CEBPZ: variants seen among roughly 807,000 people sequenced by gnomAD.
CEBPZ encodes the protein CCAAT/enhancer-binding protein zeta.
In CEBPZ, 78 loss-of-function variants were observed where a neutral mutation model predicts 104.5. That is an observed-to-expected ratio of 0.75 (90% CI 0.62 to 0.90). CEBPZ has a LOEUF of 0.90. CEBPZ is among the 40% of genes least tolerant of loss of function. The pLI is 0.00. For synonymous variants in CEBPZ, 470 were observed against 427.0 expected (o/e 1.10, Z -1.24); for missense variants, 1,439 against 1,233.5 (o/e 1.17, Z -2.50).
intron 15 of CEBPZ, chr2:37,202,343 C>G (rs1677292870): frequency 6.3e-6 from 1 of 159,260 alleles, no homozygotes; most frequent in Admixed American, 6.4e-5. Flanking sequence ...ATGAAAAGGT[C>G]TTTCAAAAAT....
At chr2:37,223,075 G>T in intron 3 of CEBPZ, 95 bp downstream of exon 3, 1 of 983,702 alleles carries the variant, frequency 1.0e-6, no homozygotes, top group Non-Finnish European at 1.5e-6. Flanking sequence ...ATGCTCCAGA[G>T]AACTAGGTTA....
In CEBPZ at chr2:37,231,580, A is replaced by C; in HGVS notation, c.-13T>G. The C allele has an allele frequency of 1.2e-6, 2 of 1,614,222 alleles. No homozygotes were observed. The highest frequency in any genetic ancestry group is 1.7e-6 in the Non-Finnish European group (2 of 1,180,034). ...TGACTGCGGCCATGGCGGGCAAAGC[A>C]TACGCGCGTGAAACTCAGCCTATTT... is the stretch of plus-strand genomic sequence containing the variant. On this transcript the variant is annotated 5_prime_UTR_variant, in exon 1 of 16. An upstream start codon of the reference 5' UTR is lost. Coordinates refer to ENST00000234170, the MANE Select transcript of CEBPZ (RefSeq NM_005760.3).
chr2:37,223,131 C>G, intron 3 of CEBPZ, 39 bp downstream of exon 3: 1 of 1,505,442 alleles, frequency 6.6e-7, no homozygotes, highest in Admixed American at 1.8e-5. Context: ...CAATATATTT[C>G]AGCACCCACT....
At chr2:37,224,118 G>A (rs180677436) in intron 2 of CEBPZ, among the ~76,000 whole-genome samples, 3 of 152,264 alleles carry the variant, frequency 2.0e-5, no homozygotes, top group African/African-American at 7.2e-5. Context: ...GATTATGCCT[G>A]TTATTCACTG....
rs371060730 is a variant in CEBPZ, at chr2:37,206,235, A to G, written c.2885-3227T>C. On this transcript the variant is annotated intron_variant, in intron 13 of 15. Coordinates refer to ENST00000234170, the MANE Select transcript of CEBPZ (RefSeq NM_005760.3). ...CAGAACAGCGTGTGGCAACGTGTTT[A>G]GTCTCCTTAAAAGGTATCCAACAAA... 3.3e-5 allele frequency among the ~76,000 whole-genome samples: 5 copies of G among 152,382 alleles called. No individual in the cohort carries two copies. In the East Asian group the frequency reaches 7.7e-4, roughly 23 times the overall value.
rs1677725274 is a variant in CEBPZ at position 37,211,722 on chromosome 2, T to C, written c.2800+121A>G. 9 of 685,698 alleles carry C rather than the reference T, an allele frequency of 1.3e-5. No individual in the cohort carries two copies. The Admixed American group carries it at 1.8e-4, about 14-fold the overall frequency. 42.5% of individuals were successfully genotyped at this position (685,698 alleles called of 1,614,324 possible). On this transcript the variant is annotated intron_variant, in intron 12 of 15. Transcript: ENST00000234170. ...AAGGGAAAAGGTCCTTTTAAGTTTC[T>C]GGCTGACATGAGTATTAATTTGAAT...
intron 9 of CEBPZ, among the ~76,000 whole-genome samples, chr2:37,214,438 A>G (rs746522265): frequency 2.0e-5 from 3 of 152,156 alleles, no homozygotes. Context: ...TAAATTACCC[A>G]TGAGTTATCA....
At chr2:37,211,665 C>A in intron 12 of CEBPZ, 178 bp downstream of exon 12, 1 of 528,922 alleles carries the variant, frequency 1.9e-6, no homozygotes, top group Non-Finnish European at 3.2e-6. Context: ...ACACACATAA[C>A]ACACAATAAA....
intron 13 of CEBPZ, among the ~76,000 whole-genome samples, chr2:37,208,264 A>G (rs1303615293): frequency 6.6e-6 from 1 of 152,194 alleles, no homozygotes; most frequent in African/African-American, 2.4e-5. Flanking sequence ...TCCAAAAGAT[A>G]GGGAAAGAGG....
chr2:37,215,022 C>G, intron 8 of CEBPZ, 70 bp from the exon 9 acceptor site: 1 of 938,488 alleles, frequency 1.1e-6, no homozygotes, highest in Non-Finnish European at 1.7e-6. Flanking sequence ...GCTCTTAAGA[C>G]AAAATACAGC....
rs1358083092 is a variant in CEBPZ, at chr2:37,213,870, G to T, written c.2539C>A (p.Leu847Met). Residue 847 changes from leucine to methionine, a missense_variant, in exon 10 of 16, where the codon CTG (leucine) becomes ATG (methionine). By Grantham distance (15) the Leu-to-Met change is conservative. Coordinates refer to ENST00000234170, the MANE Select transcript of CEBPZ (RefSeq NM_005760.3). ...AGTCAACAAAACAAATTACCAATCA[G>T]CTCTTCAAATTCTTCATCATCCACG... ...EDVDDEEFEE[L>M]IDTFEDDNCF... 6.2e-7 allele frequency: 1 copy of T among 1,602,110 alleles called. No individual in the cohort carries two copies. Among genetic ancestry groups the T allele is most frequent in the Non-Finnish European group, 8.5e-7 (1 of 1,172,780 alleles).
chr2:37,216,637 G>A (rs1225550937), intron 6 of CEBPZ, among the ~76,000 whole-genome samples: 1 of 152,164 alleles, frequency 6.6e-6, no homozygotes, highest in Non-Finnish European at 1.5e-5. Flanking sequence ...TTGATTTGAT[G>A]GATAGACTAA....
intron 5 of CEBPZ, among the ~76,000 whole-genome samples, chr2:37,219,179 A>G (rs1664706012): frequency 6.6e-6 from 1 of 152,236 alleles, no homozygotes; most frequent in African/African-American, 2.4e-5. Flanking sequence ...CTGAATAACC[A>G]GTTTGTCAGT....
chr2:37,223,365 C>A lies in CEBPZ; in HGVS notation c.1686G>T (p.Lys562Asn), dbSNP rs755293090. ...MLDPGLMTCSKQAMFLNLVYK... is the reference protein window; with the variant it reads ...MLDPGLMTCSNQAMFLNLVYK... The stretch of plus-strand genomic sequence containing the variant: ...AGACAAGGTTAAGAAACATAGCTTG[C>A]TTGGAACACGTCATCAACCCTGGAT... Residue 562 changes from lysine to asparagine, a missense_variant, in exon 3 of 16, where the codon AAG (lysine) becomes AAT (asparagine). By Grantham distance (94) the Lys-to-Asn change is moderately conservative. Coordinates refer to ENST00000234170, the MANE Select transcript of CEBPZ (RefSeq NM_005760.3). The A allele has an allele frequency of 1.2e-5, 19 of 1,614,010 alleles. No individual in the cohort carries two copies. Among genetic ancestry groups the A allele is most frequent in the Middle Eastern group, 3.3e-4 (2 of 6,084 alleles).
intron 4 of CEBPZ, 126 bp downstream of exon 4, chr2:37,222,254 A>T: frequency 1.2e-6 from 1 of 802,954 alleles, no homozygotes; most frequent in Non-Finnish European, 1.8e-6. Flanking sequence ...TCTGCATTCC[A>T]GCCTGGGCAA....
At chr2:37,229,679 C>A (rs953501829) in intron 1 of CEBPZ, among the ~76,000 whole-genome samples, 1 of 152,182 alleles carries the variant, frequency 6.6e-6, no homozygotes, top group African/African-American at 2.4e-5. Flanking sequence ...ACAAGGCACA[C>A]ATCTGTTGGC....
At chr2:37,213,128 G>GT (rs1288361902) in intron 10 of CEBPZ, among the ~76,000 whole-genome samples, 2 of 152,092 alleles carry the variant, frequency 1.3e-5, no homozygotes, top group African/African-American at 4.8e-5. Flanking sequence ...AATTTACCAT[G>GT]TTTTTTGTTT....
chr2:37,225,036 T>C (rs1482024726), intron 2 of CEBPZ, among the ~76,000 whole-genome samples: 1 of 138,970 alleles, frequency 7.2e-6, no homozygotes, highest in Non-Finnish European at 1.5e-5. Context: ...ACCACCCCCC[T>C]TCAAAACAAA....
At position 37,222,469 on chromosome 2, in the gene CEBPZ, T is replaced by G. The variant is rs752583490; in HGVS notation, c.1976A>C (p.Lys659Thr). ...AGGAACTGTTTCCTCTGTCTCAAGT[T>G]TTTTCACTATCTCTGTTTCTTTGTC... ...DADKETEIVKKLETEETVPET... is the reference protein window; with the variant it reads ...DADKETEIVKTLETEETVPET... Residue 659 changes from lysine (K) to threonine (T), a missense_variant, in exon 4 of 16, where the codon AAA (lysine) becomes ACA (threonine). Lys to Thr is a moderately conservative substitution (Grantham distance 78). Transcript: ENST00000234170. 1 of 1,611,720 alleles carries G rather than the reference T, an allele frequency of 6.2e-7. No individual in the cohort carries two copies. Among genetic ancestry groups the G allele is most frequent in the Non-Finnish European group, 8.5e-7 (1 of 1,179,326 alleles).
Sources: allele counts gnomAD v4.1 joint callset (sites outside exome capture counted in the v4.1 genomes callset), GRCh38; gene constraint gnomAD v4.1.1; transcripts MANE v1.5; gene names NCBI Gene and HGNC (gene_info 2026-07-23, HGNC 2026-07-21).